The following HNRNPD variants were observed in gnomAD, a reference collection of about 807,000 sequenced individuals.
HNRNPD encodes the protein heterogeneous nuclear ribonucleoprotein D.
A neutral mutation model predicts 47.9 loss-of-function variants in HNRNPD; 3 were observed. The ratio of observed to expected loss-of-function variants is 0.06; its 90% CI spans 0.03 to 0.16. The LOEUF (loss-of-function observed/expected upper bound fraction) is 0.16. Ranked by LOEUF, HNRNPD falls within the 10% of genes least tolerant of loss-of-function variation. The probability of loss-of-function intolerance (pLI) is 1.00; values close to 1 mark genes in which losing one functional copy is unlikely to be tolerated. For missense variants in HNRNPD, 287 were observed against 454.2 expected, an observed-to-expected ratio of 0.63 and a Z score of 3.35; for synonymous variants, 171 against 165.1, an observed-to-expected ratio of 1.04 and a Z score of -0.28.
At chr4:82,356,245 T>C (rs1723707131) in intron 7 of HNRNPD, 1 of 296,996 alleles carries the variant, frequency 3.4e-6, no homozygotes, top group South Asian at 8.4e-5. Flanking sequence ...AGAAGTGACA[T>C]TTAGAATACC....
At chr4:82,361,842 T>C (rs1480072890) in intron 2 of HNRNPD, among the ~76,000 whole-genome samples, 2 of 152,150 alleles carry the variant, frequency 1.3e-5, no homozygotes, top group African/African-American at 4.8e-5. Flanking sequence ...CTCCCCACCT[T>C]TAGTATGGTA....
chr4:82,370,981 T>TACACACAC lies in HNRNPD; in HGVS notation c.290+539_290+546dup, dbSNP rs1553896641. ...AGCCCACCTTTTAATGGTATATATATACACACACACACACACACACACACT... is the reference window on the plus strand; with the variant it reads ...AGCCCACCTTTTAATGGTATATATATACACACACACACACACACACACACACACACACT... On this transcript the variant is annotated intron_variant, in intron 2 of 8. Coordinates refer to ENST00000313899, the MANE Select transcript of HNRNPD (RefSeq NM_031370.3). Among the ~76,000 whole-genome samples, 872 of 149,438 alleles carry TACACACAC rather than the reference T, an allele frequency of 5.8e-3. 4 individuals are homozygous for TACACACAC. The highest frequency in any genetic ancestry group is 0.024 in the Middle Eastern group (7 of 292).
chr4:82,365,771 A>ATTTTTTT (rs80051188), intron 2 of HNRNPD, among the ~76,000 whole-genome samples: 11 of 106,258 alleles, frequency 1.0e-4, no homozygotes, highest in East Asian at 2.6e-4. Context: ...GGCCCAGCTA[A>ATTTTTTT]TTTTTTTTTT....
intron 1 of HNRNPD, among the ~76,000 whole-genome samples, chr4:82,372,623 G>A (rs1720110394): frequency 6.6e-6 from 1 of 152,158 alleles, no homozygotes; most frequent in African/African-American, 2.4e-5. Context: ...CGCGAAAAGG[G>A]TGCGCGGTTA....
At chr4:82,359,110 T>C (rs1455817419) in intron 3 of HNRNPD, among the ~76,000 whole-genome samples, 2 of 152,126 alleles carry the variant, frequency 1.3e-5, no homozygotes, top group Non-Finnish European at 2.9e-5. Context: ...TATACAAACA[T>C]AACTGCTACT....
At chr4:82,371,164 A>G (rs1450291547) in intron 2 of HNRNPD, among the ~76,000 whole-genome samples, 28 of 152,238 alleles carry the variant, frequency 1.8e-4, no homozygotes. Flanking sequence ...AGGAGTCTTC[A>G]TATTTAGCCA....
intron 2 of HNRNPD, among the ~76,000 whole-genome samples, chr4:82,361,481 A>AAT (rs1337072712): frequency 3.3e-5 from 5 of 152,214 alleles, no homozygotes; most frequent in African/African-American, 1.2e-4. Context: ...ATTTCTCAAT[A>AAT]ATAACTAACA....
At chr4:82,360,218 T>C (rs534263879) in intron 2 of HNRNPD, among the ~76,000 whole-genome samples, 9 of 152,096 alleles carry the variant, frequency 5.9e-5, no homozygotes, top group Non-Finnish European at 1.0e-4. Context: ...TTAGTGAAAA[T>C]TATCCATTGA....
At chr4:82,373,346 G>T in intron 1 of HNRNPD, 100 bp downstream of exon 1, 1 of 1,457,784 alleles carries the variant, frequency 6.9e-7, no homozygotes. Context: ...TGGGGGCCCG[G>T]AGAACGGGCT....
intron 5 of HNRNPD, 93 bp downstream of exon 5, chr4:82,357,220 T>A (rs1723750023): frequency 1.5e-6 from 2 of 1,377,104 alleles, no homozygotes; most frequent in Non-Finnish European, 2.0e-6. Context: ...TTTTAAAGCA[T>A]GCAAAGAACT....
chr4:82,365,771 ATTTTT>A (rs80051188), intron 2 of HNRNPD, among the ~76,000 whole-genome samples: 5 of 106,254 alleles, frequency 4.7e-5, no homozygotes, highest in South Asian at 2.7e-4. Context: ...GGCCCAGCTA[ATTTTT>A]TTTTTTTTTT....
chr4:82,357,270 CA>C, intron 5 of HNRNPD, 42 bp downstream of exon 5: 1 of 1,562,214 alleles, frequency 6.4e-7, no homozygotes, highest in Non-Finnish European at 8.7e-7. Context: ...AAGCTCTTTA[CA>C]ACAGCTAGTT....
chr4:82,363,313 T>A (rs1221052251), intron 2 of HNRNPD, among the ~76,000 whole-genome samples: 2 of 152,114 alleles, frequency 1.3e-5, no homozygotes, highest in Non-Finnish European at 2.9e-5. Context: ...ACTCCTGACC[T>A]CGTGATCCAC....
At chr4:82,369,340 G>A (rs1401372141) in intron 2 of HNRNPD, among the ~76,000 whole-genome samples, 2 of 152,142 alleles carry the variant, frequency 1.3e-5, no homozygotes, top group South Asian at 2.1e-4. Flanking sequence ...GGCATACTAT[G>A]GAAATAATTA....
At position 82,358,905 on chromosome 4, in the gene HNRNPD, A is replaced by G. The variant is rs997806859; in HGVS notation, c.460-85T>C. 10 of 987,406 alleles carry G rather than the reference A, an allele frequency of 1.0e-5. No homozygotes were observed. The Admixed American group carries it at 2.5e-4, about 24-fold the overall frequency. The allele number at this position is 987,406 out of a possible 1,614,324, so 61.2% of individuals were successfully genotyped here. On this transcript the variant is annotated intron_variant, in intron 3 of 8. Coordinates refer to ENST00000313899, the MANE Select transcript of HNRNPD (RefSeq NM_031370.3). ...TTAACTTACTTAAAAATAACTATAAATACAGATAATGCCAAGCATATGTTG... is the reference window on the plus strand; with the variant it reads ...TTAACTTACTTAAAAATAACTATAAGTACAGATAATGCCAAGCATATGTTG...
chr4:82,373,113 A>C, intron 1 of HNRNPD: 2 of 551,034 alleles, frequency 3.6e-6, no homozygotes, highest in Non-Finnish European at 6.9e-6. Flanking sequence ...GAAAGAAAAA[A>C]GGTACCCCAC....
At chr4:82,361,793 A>G (rs940665674) in intron 2 of HNRNPD, among the ~76,000 whole-genome samples, 62 of 152,304 alleles carry the variant, frequency 4.1e-4, no homozygotes, top group African/African-American at 1.4e-3. Flanking sequence ...TCACCTAAGC[A>G]TATCATCAGC....
intron 4 of HNRNPD, 172 bp from the exon 5 acceptor site, chr4:82,357,616 G>C (rs1160419199): frequency 3.8e-6 from 2 of 528,434 alleles, no homozygotes; most frequent in Non-Finnish European, 6.4e-6. Flanking sequence ...CTTCAAATTA[G>C]AACACCCATT....
chr4:82,369,456 C>G (rs1470753058), intron 2 of HNRNPD, among the ~76,000 whole-genome samples: 1 of 152,162 alleles, frequency 6.6e-6, no homozygotes, highest in East Asian at 1.9e-4. Context: ...AGGAAAAAAA[C>G]CTATTTCTAA....
Sources: gnomAD v4.1 joint callset for allele counts (sites outside exome capture counted in the v4.1 genomes callset) on GRCh38, gnomAD v4.1.1 for gene constraint, MANE v1.5 for transcripts, NCBI Gene and HGNC (gene_info 2026-07-23, HGNC 2026-07-21) for gene names.